WIPI2: variants seen among roughly 807,000 people sequenced by gnomAD.
WIPI2 encodes WD repeat domain phosphoinositide-interacting protein 2.
A neutral mutation model predicts 52.3 loss-of-function variants in WIPI2; 28 were observed. That is an observed-to-expected ratio of 0.54 (90% CI 0.40 to 0.73). The LOEUF (loss-of-function observed/expected upper bound fraction) is 0.73, where lower values mean the gene tolerates loss of function less well. WIPI2 is among the 30% of genes least tolerant of loss of function. WIPI2 has a pLI of 0.00. For missense variants in WIPI2, 506 were observed against 602.9 expected, an observed-to-expected ratio of 0.84 and a Z score of 1.68; for synonymous variants, 268 against 245.0, an observed-to-expected ratio of 1.09 and a Z score of -0.88.
intron 10 of WIPI2, 54 bp from the exon 11 acceptor site, chr7:5,228,050 A>C (rs1783527862): frequency 6.4e-6 from 10 of 1,570,866 alleles, no homozygotes; most frequent in Non-Finnish European, 7.9e-6. Context: ...GCCATGTAGT[A>C]AGACCGTTTC....
At position 5,190,270 on chromosome 7, in the gene WIPI2, G is replaced by A. The variant is rs956234042; in HGVS notation, c.-150G>A. 5.7e-5 allele frequency: 22 copies of A among 383,774 alleles called. No individual in the cohort carries two copies. The highest frequency in any genetic ancestry group is 8.9e-5 in the Non-Finnish European group (21 of 237,212). 23.8% of individuals were successfully genotyped at this position (383,774 alleles called of 1,614,324 possible). On this transcript the variant is annotated 5_prime_UTR_variant, in exon 1 of 13. Transcript: ENST00000288828. Reference sequence around the variant, plus strand: ...CCGGCTCTGGAGCATAAACAAGAGCGGGGACGGGATGAGGCGGCGGTTGAT... The same window carrying A: ...CCGGCTCTGGAGCATAAACAAGAGCAGGGACGGGATGAGGCGGCGGTTGAT...
chr7:5,200,862 C>T (rs149988166), intron 3 of WIPI2, among the ~76,000 whole-genome samples: 1 of 152,194 alleles, frequency 6.6e-6, no homozygotes, highest in African/African-American at 2.4e-5. Flanking sequence ...TACCCAGGCC[C>T]TTTGCAGGGA....
At chr7:5,223,240 C>T (rs1285774829) in intron 8 of WIPI2, among the ~76,000 whole-genome samples, 4 of 152,214 alleles carry the variant, frequency 2.6e-5, no homozygotes, top group Admixed American at 2.6e-4. Context: ...GCCTCGGGCT[C>T]TGGAGCCCGT....
chr7:5,224,027 A>C (rs1170287666), intron 8 of WIPI2, among the ~76,000 whole-genome samples: 2 of 151,954 alleles, frequency 1.3e-5, no homozygotes, highest in African/African-American at 4.8e-5. Flanking sequence ...TAATCCAATC[A>C]CACCCCACCT....
Position 5,227,133 on chromosome 7 carries a change from C to G in WIPI2, c.849-47C>G. 1 of 1,610,646 alleles carries G rather than the reference C, an allele frequency of 6.2e-7. No individual in the cohort carries two copies. Among genetic ancestry groups the G allele is most frequent in the African/African-American group, 1.3e-5 (1 of 74,992 alleles). The stretch of plus-strand genomic sequence containing the variant: ...CTGTGTGAGTAGGGGGTGGCCGTCC[C>G]CCCAGGGAGGGTGCAGCTTCATGTG... On this transcript the variant is annotated intron_variant, in intron 9 of 12. Transcript: ENST00000288828. The surrounding 1 kb of genome is among the most constrained non-coding windows in gnomAD (Gnocchi z 8.1).
At chr7:5,221,373 G>A (rs529568552) in intron 7 of WIPI2, among the ~76,000 whole-genome samples, 2 of 152,076 alleles carry the variant, frequency 1.3e-5, no homozygotes, top group Non-Finnish European at 1.5e-5. Flanking sequence ...CCTTCCATCA[G>A]CCTAGATATT....
intron 4 of WIPI2, among the ~76,000 whole-genome samples, chr7:5,215,898 T>C (rs1782787625): frequency 6.6e-6 from 1 of 152,220 alleles, no homozygotes; most frequent in African/African-American, 2.4e-5. Context: ...CACAATAAAA[T>C]GTTAGACCTT....
In WIPI2 at chr7:5,217,702, G is replaced by T. The variant is rs897191736; in HGVS notation, c.577-220G>T. 7.1e-6 allele frequency: 4 copies of T among 564,524 alleles called. No homozygotes were observed. In the Admixed American group the frequency reaches 9.1e-5, roughly 13 times the overall value. 35.0% of individuals were successfully genotyped at this position (564,524 alleles called of 1,614,324 possible). A position where few individuals can be genotyped will look rare whatever the true frequency, so the allele number is the denominator to read the frequency against. On this transcript the variant is annotated intron_variant, in intron 6 of 12. Transcript: ENST00000288828. Reference sequence around the variant, plus strand: ...CTCCTCGCCACGGGAATGTTTGAAGGAACATAGAAAACCTTAGGGATAAAT... The same window carrying T: ...CTCCTCGCCACGGGAATGTTTGAAGTAACATAGAAAACCTTAGGGATAAAT...
rs535949182 is a variant in WIPI2 at position 5,230,242 on chromosome 7, G to C, written c.1252+504G>C. On this transcript the variant is annotated intron_variant, in intron 12 of 12. Transcript: ENST00000288828. This position sits in a 1 kb window ranked among gnomAD's most constrained non-coding sequence, Gnocchi z 4.8. ...ACCTTTTTCGTCCTTCAGCAAATCTGCATCGAGTACTGCCTTCATGCTGGG... is the reference window on the plus strand; with the variant it reads ...ACCTTTTTCGTCCTTCAGCAAATCTCCATCGAGTACTGCCTTCATGCTGGG... 3.7e-4 allele frequency among the ~76,000 whole-genome samples: 56 copies of C among 152,252 alleles called. No homozygotes were observed. The highest frequency in any genetic ancestry group is 1.3e-3 in the African/African-American group (56 of 41,562).
intron 1 of WIPI2, among the ~76,000 whole-genome samples, chr7:5,191,621 G>A (rs552556756): frequency 2.0e-5 from 3 of 152,164 alleles, no homozygotes; most frequent in Non-Finnish European, 4.4e-5. Flanking sequence ...AGAGAGAAGG[G>A]TGAGTTATGG....
At chr7:5,203,939 A>G (rs570437669) in intron 3 of WIPI2, among the ~76,000 whole-genome samples, 1 of 152,224 alleles carries the variant, frequency 6.6e-6, no homozygotes, top group East Asian at 1.9e-4. Context: ...AGTCTTTCTT[A>G]GTGTCAGCGT....
rs922100225 is a variant in WIPI2, at chr7:5,190,581, G to C, written c.74+88G>C. On this transcript the variant is annotated intron_variant, in intron 1 of 12. Coordinates refer to ENST00000288828, the MANE Select transcript of WIPI2 (RefSeq NM_015610.4). ...GGGCCTCGCTGCCAAGCTCGGCGGC[G>C]TCGCAGGCTCGGCCTCCCCGCGGGC... The C allele has an allele frequency of 3.9e-6, 5 of 1,266,130 alleles. No homozygotes were observed. The South Asian group carries it at 1.1e-4, about 28-fold the overall frequency. The allele number at this position is 1,266,130 out of a possible 1,614,324, so 78.4% of individuals were successfully genotyped here. A position where few individuals can be genotyped will look rare whatever the true frequency, so the allele number is the denominator to read the frequency against.
intron 2 of WIPI2, 93 bp from the exon 3 acceptor site, chr7:5,199,483 T>TGCTGGGAACTC (rs1781920687): frequency 9.2e-7 from 1 of 1,082,810 alleles, no homozygotes; most frequent in Non-Finnish European, 1.4e-6. Context: ...GCGGGGAACT[T>TGCTGGGAACTC]GCTGGGAACT....
rs547760933 is a variant in WIPI2, at chr7:5,231,249, G to A, written c.*302G>A. The A allele has an allele frequency of 6.1e-5, 17 of 279,212 alleles. No homozygotes were observed. The South Asian group carries it at 1.2e-3, about 19-fold the overall frequency. The allele number at this position is 279,212 out of a possible 1,614,324, so 17.3% of individuals were successfully genotyped here. A position where few individuals can be genotyped will look rare whatever the true frequency, so the allele number is the denominator to read the frequency against. ...ACCTCCTCGCTTTGCATGCATGAAC[G>A]TGCCAAGCCAGCATAGGGGAGCTAG... is the stretch of plus-strand genomic sequence containing the variant. On this transcript the variant is annotated 3_prime_UTR_variant, in exon 13 of 13. Transcript: ENST00000288828.
intron 5 of WIPI2, 104 bp from the exon 6 acceptor site, chr7:5,216,986 T>G: frequency 2.5e-6 from 3 of 1,192,678 alleles, no homozygotes; most frequent in East Asian, 4.8e-5. Context: ...CAAGCTATTA[T>G]TTGTTCCTAA....
intron 6 of WIPI2, chr7:5,217,464 A>T (rs147065500): frequency 4.6e-5 from 20 of 431,104 alleles, no homozygotes; most frequent in Non-Finnish European, 8.2e-5. Context: ...ACACCCAGCT[A>T]ATTTTTTATT....
At chr7:5,192,419 A>C (rs922772942) in intron 1 of WIPI2, among the ~76,000 whole-genome samples, 1 of 152,220 alleles carries the variant, frequency 6.6e-6, no homozygotes, top group African/African-American at 2.4e-5. Flanking sequence ...ATCAGAATGA[A>C]ATCAAATAGA....
chr7:5,208,402 A>T (rs1392551009), intron 3 of WIPI2, among the ~76,000 whole-genome samples: 2 of 142,466 alleles, frequency 1.4e-5, no homozygotes, highest in Non-Finnish European at 1.5e-5. Flanking sequence ...TTAAATTTTG[A>T]TGCAGTCATA....
Position 5,190,390 on chromosome 7 carries a change from C to T in WIPI2, c.-30C>T, listed in dbSNP as rs1400226259. 14 of 1,340,372 alleles carry T rather than the reference C, an allele frequency of 1.0e-5. No homozygotes were observed. In the Admixed American group the frequency reaches 3.5e-4, roughly 34 times the overall value. 83.0% of individuals were successfully genotyped at this position (1,340,372 alleles called of 1,614,324 possible). On this transcript the variant is annotated 5_prime_UTR_variant, in exon 1 of 13. Coordinates refer to ENST00000288828, the MANE Select transcript of WIPI2 (RefSeq NM_015610.4). ...CCCGCCCTCGCGCGCGCGCCCTCCC[C>T]GGCCGGGCCCACTCGCCGCGCGCCC...
Sources: allele counts gnomAD v4.1 joint callset (sites outside exome capture counted in the v4.1 genomes callset), GRCh38; gene constraint gnomAD v4.1.1; non-coding constraint Gnocchi (gnomAD v3.1); transcripts MANE v1.5; gene names NCBI Gene and HGNC (gene_info 2026-07-23, HGNC 2026-07-21).